BLK: variants seen among roughly 807,000 people sequenced by gnomAD.
BLK encodes the protein BLK proto-oncogene, Src family tyrosine kinase, also known as tyrosine-protein kinase Blk.
In BLK, 64 loss-of-function variants were observed where a neutral mutation model predicts 61.8. The observed-to-expected ratio is 1.03, with a 90% CI of 0.85 to 1.27. BLK has a LOEUF of 1.27. Ranked by LOEUF, BLK falls within the 50% of genes most tolerant of loss-of-function variation. The pLI, the probability that BLK is intolerant of heterozygous loss-of-function variation, is 0.00. For missense variants in BLK, 853 were observed against 660.5 expected (o/e 1.29, Z -3.19); for synonymous variants, 351 against 272.0 (o/e 1.29, Z -2.86).
chr8:11,555,218 T>C (rs1232828159), intron 7 of BLK, 114 bp from the exon 8 acceptor site: 67 of 1,385,156 alleles, frequency 4.8e-5, no homozygotes, highest in Non-Finnish European at 6.8e-5. Flanking sequence ...CACACACCCA[T>C]GCAGGGGGTG....
intron 1 of BLK, among the ~76,000 whole-genome samples, chr8:11,514,076 C>T (rs138889118): frequency 3.3e-4 from 51 of 152,286 alleles, no homozygotes; most frequent in African/African-American, 1.1e-3. Context: ...TCGGACCTTC[C>T]CTTCTGGCAC....
At chr8:11,561,580 T>A in intron 11 of BLK, 128 bp downstream of exon 11, 1 of 1,253,260 alleles carries the variant, frequency 8.0e-7, no homozygotes, top group Non-Finnish European at 1.1e-6. Flanking sequence ...TTTCTACAGC[T>A]CTAGATCAGC....
chr8:11,563,930 A>T lies in BLK; in HGVS notation c.1340A>T (p.Asn447Ile). ...ATGAGCAACCCCGAGGTCATCCGCA[A>T]CCTGGAGCGCGGCTACCGCATGCCG... is the stretch of plus-strand genomic sequence containing the variant. ...PGMSNPEVIR[N>I]LERGYRMPRP... Residue 447 changes from asparagine to isoleucine, a missense_variant, in exon 13 of 13, where the codon AAC becomes ATC. Asn to Ile is a moderately radical substitution (Grantham distance 149, BLOSUM62 -3). Coordinates refer to ENST00000259089, the MANE Select transcript of BLK (RefSeq NM_001715.3). 2 of 1,608,670 alleles carry T rather than the reference A, an allele frequency of 1.2e-6. No individual in the cohort carries two copies. Among genetic ancestry groups the T allele is most frequent in the Non-Finnish European group, 1.7e-6 (2 of 1,179,448 alleles).
rs1384993469 is a variant in BLK, at chr8:11,549,100, G to A, written c.346G>A (p.Val116Met). The change falls in exon 5 of 13, where the codon GTG becomes ATG. Residue 116 changes from valine to methionine, a missense_variant. Val to Met is a conservative substitution (Grantham distance 21, BLOSUM62 1). Coordinates refer to ENST00000259089, the MANE Select transcript of BLK (RefSeq NM_001715.3). Reference sequence around the variant, plus strand: ...TGTGCCCAGTAACTTTGTGGCCCGAGTGGAGAGCCTGGAAATGGAAAGGTA... The same window carrying A: ...TGTGCCCAGTAACTTTGTGGCCCGAATGGAGAGCCTGGAAATGGAAAGGTA... ...GYVPSNFVARVESLEMERWFF... is the reference protein window; with the variant it reads ...GYVPSNFVARMESLEMERWFF... 6 of 1,609,196 alleles carry A rather than the reference G, an allele frequency of 3.7e-6. No homozygotes were observed. Among genetic ancestry groups the A allele is most frequent in the Non-Finnish European group, 5.1e-6 (6 of 1,178,010 alleles).
intron 1 of BLK, among the ~76,000 whole-genome samples, chr8:11,532,492 T>C (rs1799931468): frequency 6.6e-6 from 1 of 152,112 alleles, no homozygotes; most frequent in Non-Finnish European, 1.5e-5. Context: ...ATTACAGGCA[T>C]GAGCCGCCAC....
chr8:11,555,515 C>G (rs533113642), intron 8 of BLK, 31 bp downstream of exon 8: 2 of 1,613,572 alleles, frequency 1.2e-6, no homozygotes, highest in South Asian at 1.1e-5. Flanking sequence ...GAGCATTTCT[C>G]CCCCCATTCC....
chr8:11,535,778 G>A (rs558371656), intron 1 of BLK, among the ~76,000 whole-genome samples: 5 of 152,290 alleles, frequency 3.3e-5, no homozygotes, highest in Middle Eastern at 3.4e-3. Context: ...TCACCTCCTC[G>A]ACAGCATCTC....
In BLK at chr8:11,564,209, C is replaced by A. The variant is rs1801623595; in HGVS notation, c.*101C>A. On this transcript the variant is annotated 3_prime_UTR_variant, in exon 13 of 13. Coordinates refer to ENST00000259089, the MANE Select transcript of BLK (RefSeq NM_001715.3). Reference sequence around the variant, plus strand: ...GCGAAGGCGGGGTGTCGCCTGTGCCCTTTTCTCAGACCCGGAATCCAGTGG... The same window carrying A: ...GCGAAGGCGGGGTGTCGCCTGTGCCATTTTCTCAGACCCGGAATCCAGTGG... The A allele has an allele frequency of 3.6e-6, 5 of 1,381,826 alleles. No individual in the cohort carries two copies. Among genetic ancestry groups the A allele is most frequent in the South Asian group, 1.2e-5 (1 of 80,072 alleles). 85.6% of individuals were successfully genotyped at this position (1,381,826 alleles called of 1,614,324 possible).
chr8:11,532,680 A>G (rs1343420814), intron 1 of BLK, among the ~76,000 whole-genome samples: 37 of 152,200 alleles, frequency 2.4e-4, no homozygotes, highest in Admixed American at 2.3e-3. Flanking sequence ...GTCTACTAAT[A>G]TCAAAATGTG....
chr8:11,526,554 A>G (rs888403365), intron 1 of BLK, among the ~76,000 whole-genome samples: 1 of 152,090 alleles, frequency 6.6e-6, no homozygotes, highest in Non-Finnish European at 1.5e-5. Flanking sequence ...CCCCATCTCT[A>G]ATACAAATAC....
intron 1 of BLK, among the ~76,000 whole-genome samples, chr8:11,539,411 C>A (rs1800275250): frequency 6.6e-6 from 1 of 151,496 alleles, no homozygotes; most frequent in African/African-American, 2.4e-5. Context: ...TCTTCAATTG[C>A]TGGGCAGTTA....
chr8:11,514,404 C>T (rs909352654), intron 1 of BLK, among the ~76,000 whole-genome samples: 1 of 152,238 alleles, frequency 6.6e-6, no homozygotes, highest in Non-Finnish European at 1.5e-5. Context: ...TTGCGGGCTA[C>T]AGGCAAGAGC....
chr8:11,549,658 C>G (rs1800813259), intron 5 of BLK, among the ~76,000 whole-genome samples: 1 of 152,236 alleles, frequency 6.6e-6, no homozygotes, highest in Non-Finnish European at 1.5e-5. Context: ...TGAGGCCCAG[C>G]AACGAGTCTT....
chr8:11,550,083 G>C, intron 5 of BLK, 76 bp from the exon 6 acceptor site: 2 of 1,298,708 alleles, frequency 1.5e-6, no homozygotes, highest in Non-Finnish European at 2.2e-6. Flanking sequence ...GACAGGCAGT[G>C]CAGGAGGGAG....
chr8:11,532,215 T>G lies in BLK; in HGVS notation c.-1-11009T>G, dbSNP rs1004683863. 4.6e-5 allele frequency among the ~76,000 whole-genome samples: 5 copies of G among 108,014 alleles called. 1 individual carries two copies. The South Asian group carries it at 1.4e-3, about 30-fold the overall frequency. The allele number at this position is 108,014 out of a possible 152,430, so 70.9% of individuals were successfully genotyped here. Reference sequence around the variant, plus strand: ...AATATTTATTTATTTATTTATTTATTTGAGACAAAATCTCGCTCTGTTGCC... The same window carrying G: ...AATATTTATTTATTTATTTATTTATGTGAGACAAAATCTCGCTCTGTTGCC... On this transcript the variant is annotated intron_variant, in intron 1 of 12. Transcript: ENST00000259089.
chr8:11,559,692 C>T, intron 10 of BLK: 1 of 454,408 alleles, frequency 2.2e-6, no homozygotes, highest in Non-Finnish European at 4.4e-6. Flanking sequence ...TCCCTCGGGC[C>T]CCACTTTGCA....
chr8:11,555,429 G>T lies in BLK; in HGVS notation c.717G>T (p.Gln239His), dbSNP rs748894201. 2 of 1,614,198 alleles carry T rather than the reference G, an allele frequency of 1.2e-6. No individual in the cohort carries two copies. The highest frequency in any genetic ancestry group is 1.7e-6 in the Non-Finnish European group (2 of 1,180,020). Reference sequence around the variant, plus strand: ...AGGATGAATGGGAGATCCCCCGGCAGTCTCTCAGGCTGGTCAGGAAACTCG... The same window carrying T: ...AGGATGAATGGGAGATCCCCCGGCATTCTCTCAGGCTGGTCAGGAAACTCG... ...WAQDEWEIPRQSLRLVRKLGS... is the reference protein window; with the variant it reads ...WAQDEWEIPRHSLRLVRKLGS... Residue 239 changes from glutamine to histidine, a missense_variant, in exon 8 of 13, where the codon CAG (glutamine) becomes CAT (histidine). Physicochemically the swap from Gln to His is conservative, Grantham distance 24. Coordinates refer to ENST00000259089, the MANE Select transcript of BLK (RefSeq NM_001715.3).
intron 1 of BLK, among the ~76,000 whole-genome samples, chr8:11,541,825 T>C (rs1390741598): frequency 2.0e-5 from 3 of 152,170 alleles, no homozygotes; most frequent in African/African-American, 7.2e-5. Flanking sequence ...TCCAAACTTC[T>C]GAAACCCTAA....
At chr8:11,545,973 C>A in intron 2 of BLK, 79 bp from the exon 3 acceptor site, 1 of 1,481,236 alleles carries the variant, frequency 6.8e-7, no homozygotes, top group East Asian at 2.3e-5. Context: ...CCTGGCTGCC[C>A]GGCTCAGCAG....
Sources: allele counts gnomAD v4.1 joint callset (sites outside exome capture counted in the v4.1 genomes callset), GRCh38; gene constraint gnomAD v4.1.1; transcripts MANE v1.5; gene names NCBI Gene and HGNC (gene_info 2026-07-23, HGNC 2026-07-21).